The following ADD2 variants were observed in gnomAD, a reference collection of about 807,000 sequenced individuals.
ADD2 encodes the protein adducin 2.
Under a neutral mutation model 83.0 loss-of-function variants are expected in ADD2, and 23 were observed. The observed-to-expected ratio is 0.28, with a 90% CI of 0.20 to 0.39. The LOEUF (loss-of-function observed/expected upper bound fraction) is 0.39, where lower values mean the gene tolerates loss of function less well. Among genes scored for constraint, ADD2 ranks in the 10% least tolerant of loss-of-function variants. The pLI is 1.00. For synonymous variants in ADD2, 375 were observed against 375.4 expected (o/e 1.00, Z 0.01); for missense variants, 758 against 944.9 (o/e 0.80, Z 2.59).
rs141320066 is a variant in ADD2, at chr2:70,679,046, G to A, written c.1126-85C>T. ...TACATGCACACACACCTTTCCTTCC[G>A]TCTGCTTAAAGGACTCTTCATGTAA... On this transcript the variant is annotated intron_variant, in intron 10 of 15. Transcript: ENST00000264436. 234 of 1,460,800 alleles carry A rather than the reference G, an allele frequency of 1.6e-4. No individual in the cohort carries two copies. In the African/African-American group the frequency reaches 2.7e-3, roughly 17 times the overall value. The allele number at this position is 1,460,800 out of a possible 1,614,324, so 90.5% of individuals were successfully genotyped here.
chr2:70,735,205 A>T (rs150415032), intron 1 of ADD2, among the ~76,000 whole-genome samples: 1,660 of 152,186 alleles, frequency 0.011, 34 homozygotes, highest in African/African-American at 0.038. Flanking sequence ...GAGACACCCA[A>T]ACAGAGAAAA....
Position 70,662,176 on chromosome 2 carries a change from A to T in ADD2, c.*1249T>A, listed in dbSNP as rs1283745119. 1 of 152,382 alleles carries T rather than the reference A, an allele frequency of 6.6e-6. No individual in the cohort carries two copies. The highest frequency in any genetic ancestry group is 1.9e-4 in the East Asian group (1 of 5,192). The allele number at this position is 152,382 out of a possible 1,614,324, so 9.4% of individuals were successfully genotyped here. ...AATTTTTAGGAGCCAACAAATGCTC[A>T]TTAATCAATGCCCCACGGAAGAACA... is the stretch of plus-strand genomic sequence containing the variant. On this transcript the variant is annotated 3_prime_UTR_variant, in exon 16 of 16. Transcript: ENST00000264436.
chr2:70,664,792 G>A (rs1675700972), intron 15 of ADD2, among the ~76,000 whole-genome samples: 1 of 151,946 alleles, frequency 6.6e-6, no homozygotes, highest in African/African-American at 2.4e-5. Context: ...GGTTGTGTGT[G>A]GTGTAAGTGT....
chr2:70,745,518 C>A (rs936639262), intron 1 of ADD2, among the ~76,000 whole-genome samples: 1 of 152,040 alleles, frequency 6.6e-6, no homozygotes, highest in Non-Finnish European at 1.5e-5. Context: ...AGATGCAGGC[C>A]GCCTCTCTGA....
chr2:70,735,007 G>A (rs1673456743), intron 1 of ADD2, among the ~76,000 whole-genome samples: 1 of 152,100 alleles, frequency 6.6e-6, no homozygotes, highest in Non-Finnish European at 1.5e-5. Flanking sequence ...TACAGAAAGT[G>A]TTCAGAATTT....
At chr2:70,765,774 T>C (rs1272453701) in intron 1 of ADD2, among the ~76,000 whole-genome samples, 1 of 152,234 alleles carries the variant, frequency 6.6e-6, no homozygotes, top group Non-Finnish European at 1.5e-5. Context: ...GCTCATGTTT[T>C]TGTATCAGCC....
At chr2:70,756,015 C>T (rs897633987) in intron 1 of ADD2, among the ~76,000 whole-genome samples, 4 of 149,170 alleles carry the variant, frequency 2.7e-5, no homozygotes, top group South Asian at 4.2e-4. Context: ...GCCGAGATCA[C>T]GCCATTGCAC....
chr2:70,695,861 C>G, intron 5 of ADD2, 60 bp from the exon 6 acceptor site: 2 of 1,458,832 alleles, frequency 1.4e-6, no homozygotes, highest in Non-Finnish European at 1.9e-6. Context: ...TCCAAGGACA[C>G]TGTGCTTGAA....
intron 4 of ADD2, among the ~76,000 whole-genome samples, chr2:70,697,064 C>T (rs1671347665): frequency 6.6e-6 from 1 of 152,208 alleles, no homozygotes; most frequent in African/African-American, 2.4e-5. Context: ...GAGGCTGAGG[C>T]AGGAGAATCG....
intron 1 of ADD2, among the ~76,000 whole-genome samples, chr2:70,714,063 A>C (rs1333390121): frequency 1.3e-5 from 2 of 152,132 alleles, no homozygotes; most frequent in Non-Finnish European, 2.9e-5. Context: ...GTACTACTGA[A>C]GGAGGAATAT....
intron 1 of ADD2, among the ~76,000 whole-genome samples, chr2:70,720,281 AG>A (rs1193639456): frequency 1.3e-5 from 2 of 152,142 alleles, no homozygotes; most frequent in African/African-American, 4.8e-5. Flanking sequence ...GAAAGTTAGT[AG>A]GCCCAGAGAG....
At position 70,767,966 on chromosome 2, in the gene ADD2, CG is replaced by C; in HGVS notation, c.-235del. 1 of 1,535,208 alleles carries C rather than the reference CG, an allele frequency of 6.5e-7. No homozygotes were observed. On this transcript the variant is annotated 5_prime_UTR_variant, in exon 1 of 16. Transcript: ENST00000264436. The stretch of plus-strand genomic sequence containing the variant: ...TTTTATGGGTTTGGGGGGTGGGGTG[CG>C]CTTAAAAAATCCACCCAGCTAATCT...
At chr2:70,762,411 C>T (rs1675163600) in intron 1 of ADD2, among the ~76,000 whole-genome samples, 1 of 151,692 alleles carries the variant, frequency 6.6e-6, no homozygotes. Flanking sequence ...TCAAGGGTCA[C>T]AACATTTGTG....
intron 10 of ADD2, among the ~76,000 whole-genome samples, chr2:70,683,022 C>CTTTT (rs35087942): frequency 6.4e-5 from 8 of 124,532 alleles, no homozygotes; most frequent in African/African-American, 1.5e-4. Context: ...GGAGTATGAC[C>CTTTT]TTTTTTTTTT....
intron 9 of ADD2, among the ~76,000 whole-genome samples, chr2:70,686,024 A>G (rs1408512401): frequency 6.6e-6 from 1 of 152,218 alleles, no homozygotes; most frequent in Non-Finnish European, 1.5e-5. Context: ...TTGAACTACT[A>G]ACATGACCAC....
intron 10 of ADD2, among the ~76,000 whole-genome samples, 180 bp from the exon 11 acceptor site, chr2:70,679,141 T>C (rs2104252265): frequency 6.6e-6 from 1 of 152,348 alleles, no homozygotes; most frequent in Admixed American, 6.5e-5. Context: ...TCCCTCCTCC[T>C]GGTCCCCCAT....
At chr2:70,693,777 A>G (rs3755374) in intron 6 of ADD2, among the ~76,000 whole-genome samples, 50,152 of 151,968 alleles carry the variant, frequency 0.33, 8,555 homozygotes, top group East Asian at 0.44. Context: ...TCCCTCTCTC[A>G]GATGATCTCT....
intron 6 of ADD2, among the ~76,000 whole-genome samples, chr2:70,692,858 G>A (rs574007436): frequency 6.6e-6 from 1 of 152,294 alleles, no homozygotes; most frequent in South Asian, 2.1e-4. Context: ...GGCTGAGGGG[G>A]CCCTGAGAGC....
At chr2:70,674,592 G>C in intron 14 of ADD2, 86 bp downstream of exon 14, 2 of 1,363,174 alleles carry the variant, frequency 1.5e-6, no homozygotes, top group Non-Finnish European at 2.0e-6. Flanking sequence ...TGATGATGGG[G>C]CAGGAAGGTC....
Sources: gnomAD v4.1 joint callset for allele counts (sites outside exome capture counted in the v4.1 genomes callset) on GRCh38, gnomAD v4.1.1 for gene constraint, MANE v1.5 for transcripts, NCBI Gene and HGNC (gene_info 2026-07-23, HGNC 2026-07-21) for gene names.